Variants in FERMT2 observed in about 807,000 individuals in gnomAD.
The protein encoded by FERMT2 is fermitin family homolog 2.
FERMT2 carries 15 observed loss-of-function variants against 82.7 expected under a neutral mutation model. That is an observed-to-expected ratio of 0.18 (90% CI 0.12 to 0.28). The LOEUF is 0.28. FERMT2 is among the 10% of genes least tolerant of loss of function. The pLI is 1.00. For synonymous variants in FERMT2, 274 were observed against 271.5 expected, an observed-to-expected ratio of 1.01 and a Z score of -0.09; for missense variants, 645 against 809.4, an observed-to-expected ratio of 0.80 and a Z score of 2.46.
intron 10 of FERMT2, among the ~76,000 whole-genome samples, chr14:52,872,448 C>A (rs925008210): frequency 3.3e-5 from 5 of 152,084 alleles, no homozygotes; most frequent in Admixed American, 1.3e-4. Flanking sequence ...GCAAGAAAAT[C>A]GCTTGAACCC....
chr14:52,877,119 C>A (rs192106167), intron 7 of FERMT2, among the ~76,000 whole-genome samples: 1 of 152,086 alleles, frequency 6.6e-6, no homozygotes, highest in African/African-American at 2.4e-5. Context: ...TTTACAAACA[C>A]GTTTTGAGCA....
chr14:52,872,936 G>A lies in FERMT2; in HGVS notation c.1149-13C>T. 7.4e-6 allele frequency: 12 copies of A among 1,610,948 alleles called. No individual in the cohort carries two copies. Among genetic ancestry groups the A allele is most frequent in the Non-Finnish European group, 1.0e-5 (12 of 1,178,532 alleles). Reference sequence around the variant, plus strand: ...CAGCTTTTTTGGCCTATGTATCAAAGAGAATTAACAACAAAATCACTTGGA... The same window carrying A: ...CAGCTTTTTTGGCCTATGTATCAAAAAGAATTAACAACAAAATCACTTGGA... On this transcript the variant is annotated splice_polypyrimidine_tract_variant and intron_variant, in intron 9 of 14. Transcript: ENST00000341590.
intron 4 of FERMT2, among the ~76,000 whole-genome samples, chr14:52,889,640 C>A (rs1886813906): frequency 6.6e-6 from 1 of 152,176 alleles, no homozygotes; most frequent in Non-Finnish European, 1.5e-5. Flanking sequence ...GTTGTATGAA[C>A]ATCATAGAGT....
chr14:52,896,194 T>C lies in FERMT2; in HGVS notation c.392-2767A>G, dbSNP rs1284660241. 2.0e-5 allele frequency among the ~76,000 whole-genome samples: 3 copies of C among 152,356 alleles called. No homozygotes were observed. In the East Asian group the frequency reaches 5.8e-4, roughly 29 times the overall value. ...ATGTGGTTCATCGTTGACCAAAATATTGTTATGCAGCACGTGACTGTGTAT... is the reference window on the plus strand; with the variant it reads ...ATGTGGTTCATCGTTGACCAAAATACTGTTATGCAGCACGTGACTGTGTAT... On this transcript the variant is annotated intron_variant, in intron 3 of 14. Coordinates refer to ENST00000341590, the MANE Select transcript of FERMT2 (RefSeq NM_006832.3).
intron 12 of FERMT2, chr14:52,861,125 C>T (rs779514935): frequency 2.4e-5 from 29 of 1,201,594 alleles, no homozygotes; most frequent in Middle Eastern, 1.9e-4. Flanking sequence ...GAAAAAGTTG[C>T]GGTCACCTGC....
chr14:52,902,840 G>A (rs1213441772), intron 3 of FERMT2, among the ~76,000 whole-genome samples: 1 of 106,298 alleles, frequency 9.4e-6, no homozygotes, highest in African/African-American at 3.7e-5. Flanking sequence ...CTGTACTCCA[G>A]CCTGGGTGGC....
intron 12 of FERMT2, 91 bp downstream of exon 12, chr14:52,864,310 A>G: frequency 1.2e-6 from 1 of 858,292 alleles, no homozygotes; most frequent in Non-Finnish European, 1.9e-6. Context: ...ATTAAGACTA[A>G]AAAGTTTTGT....
chr14:52,901,362 T>C (rs1887639409), intron 3 of FERMT2, among the ~76,000 whole-genome samples: 1 of 151,520 alleles, frequency 6.6e-6, no homozygotes, highest in Admixed American at 6.6e-5. Flanking sequence ...GAAAGGCTTC[T>C]GGGGTGGGCA....
At chr14:52,872,580 G>C (rs1006158483) in intron 10 of FERMT2, among the ~76,000 whole-genome samples, 1 of 152,124 alleles carries the variant, frequency 6.6e-6, no homozygotes, top group Admixed American at 6.6e-5. Flanking sequence ...GGTCAAGTCT[G>C]CACAAAGAGA....
At chr14:52,872,701 T>G in intron 10 of FERMT2, 98 bp downstream of exon 10, 1 of 1,333,880 alleles carries the variant, frequency 7.5e-7, no homozygotes, top group South Asian at 1.4e-5. Flanking sequence ...AAGAAATTGA[T>G]TTTTTTAAAA....
In FERMT2 at chr14:52,868,897, C is replaced by T. The variant is rs767494144; in HGVS notation, c.1273+3902G>A. Reference sequence around the variant, plus strand: ...ATTCTTGGTCAAGGTGTTATCAGTGCGGTGCCTGTGATGAGTGCAATGATC... The same window carrying T: ...ATTCTTGGTCAAGGTGTTATCAGTGTGGTGCCTGTGATGAGTGCAATGATC... On this transcript the variant is annotated intron_variant, in intron 10 of 14. Transcript: ENST00000341590. 5.0e-4 allele frequency among the ~76,000 whole-genome samples: 76 copies of T among 152,158 alleles called. 1 individual carries two copies. Among genetic ancestry groups the T allele is most frequent in the African/African-American group, 4.8e-5 (2 of 41,434 alleles).
At chr14:52,948,760 G>A (rs1211339577) in intron 2 of FERMT2, among the ~76,000 whole-genome samples, 2 of 152,084 alleles carry the variant, frequency 1.3e-5, no homozygotes, top group Non-Finnish European at 2.9e-5. Flanking sequence ...ATTAGCTACA[G>A]CCTGGCTTTC....
intron 3 of FERMT2, among the ~76,000 whole-genome samples, chr14:52,908,447 T>C (rs73304355): frequency 0.012 from 1,884 of 152,268 alleles, 38 homozygotes; most frequent in African/African-American, 0.042. Flanking sequence ...AAACAAATTA[T>C]GGTATATCCA....
At chr14:52,888,186 C>A (rs372047823) in intron 4 of FERMT2, among the ~76,000 whole-genome samples, 13 of 152,184 alleles carry the variant, frequency 8.5e-5, no homozygotes, top group African/African-American at 2.9e-4. Flanking sequence ...AGGAAAAAAA[C>A]AAACCATAAG....
chr14:52,896,999 AACACACACACACACACACACAC>A lies in FERMT2; in HGVS notation c.392-3594_392-3573del, dbSNP rs57945447. Among the ~76,000 whole-genome samples the A allele has an allele frequency of 7.7e-3, 1,060 of 137,178 alleles. 8 individuals are homozygous for A. Among genetic ancestry groups the A allele is most frequent in the East Asian group, 0.054 (257 of 4,794 alleles). 90.0% of individuals were successfully genotyped at this position (137,178 alleles called of 152,430 possible). A position where few individuals can be genotyped will look rare whatever the true frequency, so the allele number is the denominator to read the frequency against. ...GCAAGACCATCTGCAAAACAAATAA[AACACACACACACACACACACAC>A]ACACACACACACACACACACACACA... On this transcript the variant is annotated intron_variant, in intron 3 of 14. Transcript: ENST00000341590.
chr14:52,904,841 T>C (rs1887902253), intron 3 of FERMT2, among the ~76,000 whole-genome samples: 2 of 150,906 alleles, frequency 1.3e-5, no homozygotes, highest in Non-Finnish European at 1.5e-5. Context: ...TCTGCTTTCT[T>C]AATGTAAACA....
chr14:52,938,569 C>A (rs1292027359), intron 2 of FERMT2, among the ~76,000 whole-genome samples: 1 of 152,010 alleles, frequency 6.6e-6, no homozygotes, highest in Non-Finnish European at 1.5e-5. Flanking sequence ...TAACAAAGTT[C>A]ACTTAGTTTT....
chr14:52,858,624 A>G, intron 14 of FERMT2, 74 bp from the exon 15 acceptor site: 1 of 1,374,886 alleles, frequency 7.3e-7, no homozygotes, highest in Non-Finnish European at 1.0e-6. Flanking sequence ...CTACTGTGCT[A>G]CTTAAAGTCT....
chr14:52,897,037 CA>C (rs1382675697), intron 3 of FERMT2, among the ~76,000 whole-genome samples: 6 of 149,322 alleles, frequency 4.0e-5, no homozygotes, highest in Non-Finnish European at 5.9e-5. Context: ...CACACACACA[CA>C]CACACACACA....
Sources: gnomAD v4.1 joint callset for allele counts (sites outside exome capture counted in the v4.1 genomes callset) on GRCh38, gnomAD v4.1.1 for gene constraint, MANE v1.5 for transcripts, NCBI Gene and HGNC (gene_info 2026-07-23, HGNC 2026-07-21) for gene names.